FGF7: variants seen among roughly 807,000 people sequenced by gnomAD.
FGF7 encodes the protein fibroblast growth factor 7.
A neutral mutation model predicts 20.5 loss-of-function variants in FGF7; 6 were observed. The observed-to-expected ratio is 0.29, with a 90% CI of 0.16 to 0.58. FGF7 has a LOEUF of 0.58. FGF7 is among the 20% of genes least tolerant of loss of function. FGF7 has a pLI of 0.90. For synonymous variants in FGF7, 64 were observed against 74.7 expected (o/e 0.86, Z 0.74); for missense variants, 144 against 228.8 (o/e 0.63, Z 2.39).
intron 2 of FGF7, among the ~76,000 whole-genome samples, chr15:49,453,518 A>C (rs996799346): frequency 1.3e-5 from 2 of 152,166 alleles, no homozygotes; most frequent in African/African-American, 4.8e-5. Flanking sequence ...TTCACATTGC[A>C]AGGGTTCAGT....
At chr15:49,479,945 T>C (rs1303785675) in intron 2 of FGF7, among the ~76,000 whole-genome samples, 1 of 152,176 alleles carries the variant, frequency 6.6e-6, no homozygotes, top group Non-Finnish European at 1.5e-5. Flanking sequence ...TATTTGTGCA[T>C]ATTGAAAGGA....
At chr15:49,467,433 T>C (rs1161372224) in intron 2 of FGF7, among the ~76,000 whole-genome samples, 1 of 152,050 alleles carries the variant, frequency 6.6e-6, no homozygotes, top group Non-Finnish European at 1.5e-5. Context: ...CCCTGGTACA[T>C]TTGTATTTTG....
At chr15:49,469,545 A>G (rs1263871995) in intron 2 of FGF7, among the ~76,000 whole-genome samples, 2 of 152,086 alleles carry the variant, frequency 1.3e-5, no homozygotes, top group African/African-American at 2.4e-5. Flanking sequence ...TCTGTAGTCA[A>G]GGCCAAAACA....
At chr15:49,424,606 C>A in intron 2 of FGF7, 23 bp downstream of exon 2, 3 of 1,518,302 alleles carry the variant, frequency 2.0e-6, no homozygotes, top group African/African-American at 1.4e-5. Flanking sequence ...AAGTACTGCT[C>A]ATGAACCTTA....
chr15:49,467,926 A>T (rs772826480), intron 2 of FGF7, among the ~76,000 whole-genome samples: 14 of 152,178 alleles, frequency 9.2e-5, no homozygotes, highest in Non-Finnish European at 1.8e-4. Flanking sequence ...TTCCCATGAC[A>T]TTCTTCAGTA....
At position 49,448,850 on chromosome 15, in the gene FGF7, A is replaced by G. The variant is rs2052466524; in HGVS notation, c.286+24267A>G. Among the ~76,000 whole-genome samples, 2 of 151,640 alleles carry G rather than the reference A, an allele frequency of 1.3e-5. 1 individual carries two copies. The highest frequency in any genetic ancestry group is 4.2e-4 in the South Asian group (2 of 4,816). On this transcript the variant is annotated intron_variant, in intron 2 of 3. Transcript: ENST00000267843. ...GCTCTCCAAGAATGAACCCTCTACA[A>G]TTTTCTTTAGCAGTCGATTCCAATA...
chr15:49,457,998 T>A lies in FGF7; in HGVS notation c.287-25153T>A, dbSNP rs1480052513. On this transcript the variant is annotated intron_variant, in intron 2 of 3. Transcript: ENST00000267843. ...TCACTTTCTTGATTGATAATATTTT[T>A]TCCCCAAAAGCACAATATTCACTTT... 3.3e-5 allele frequency among the ~76,000 whole-genome samples: 5 copies of A among 152,106 alleles called. No individual in the cohort carries two copies. The East Asian group carries it at 9.6e-4, about 29-fold the overall frequency.
At chr15:49,472,933 T>C (rs1465566165) in intron 2 of FGF7, among the ~76,000 whole-genome samples, 3 of 152,168 alleles carry the variant, frequency 2.0e-5, no homozygotes, top group African/African-American at 7.2e-5. Context: ...AATATACTCA[T>C]GTATCAGTTA....
intron 2 of FGF7, among the ~76,000 whole-genome samples, chr15:49,441,575 T>C (rs984516514): frequency 2.0e-5 from 3 of 151,580 alleles, no homozygotes; most frequent in Non-Finnish European, 3.0e-5. Context: ...TTTCCATATA[T>C]AGAGAGAAAA....
At chr15:49,459,454 CT>C (rs930993767) in intron 2 of FGF7, among the ~76,000 whole-genome samples, 1 of 151,684 alleles carries the variant, frequency 6.6e-6, no homozygotes, top group Admixed American at 6.6e-5. Flanking sequence ...TCTTTCTTTT[CT>C]TTTTTTTGAG....
chr15:49,441,499 G>A (rs2051638374), intron 2 of FGF7, among the ~76,000 whole-genome samples: 1 of 151,716 alleles, frequency 6.6e-6, no homozygotes. Context: ...CCAGAGGACT[G>A]AAGTAGACCA....
chr15:49,472,990 G>A (rs1439918399), intron 2 of FGF7, among the ~76,000 whole-genome samples: 1 of 152,152 alleles, frequency 6.6e-6, no homozygotes, highest in Non-Finnish European at 1.5e-5. Flanking sequence ...TAAAGTGGCT[G>A]AATTAAAACT....
chr15:49,461,656 A>G lies in FGF7; in HGVS notation c.287-21495A>G, dbSNP rs185833862. 3.5e-3 allele frequency among the ~76,000 whole-genome samples: 533 copies of G among 152,364 alleles called. 2 individuals are homozygous for G. Among genetic ancestry groups the G allele is most frequent in the Non-Finnish European group, 5.8e-3 (395 of 68,040 alleles). ...CTATGTATTCAGATAGTGCAGGTAC[A>G]ATATGTACATTCTCAAAGCATCAAA... On this transcript the variant is annotated intron_variant, in intron 2 of 3. Coordinates refer to ENST00000267843, the MANE Select transcript of FGF7 (RefSeq NM_002009.4).
chr15:49,488,452 T>C lies in FGF7; in HGVS notation c.*3948T>C, dbSNP rs982155638. Reference sequence around the variant, plus strand: ...TGACAGGAAGCAAGAAATAATACAGTCCTAGCCTCTTTCCAATAACATCTG... The same window carrying C: ...TGACAGGAAGCAAGAAATAATACAGCCCTAGCCTCTTTCCAATAACATCTG... On this transcript the variant is annotated 3_prime_UTR_variant, in exon 4 of 4. Coordinates refer to ENST00000267843, the MANE Select transcript of FGF7 (RefSeq NM_002009.4). 5.9e-5 allele frequency: 9 copies of C among 152,068 alleles called. No individual in the cohort carries two copies. The highest frequency in any genetic ancestry group is 1.0e-4 in the Non-Finnish European group (7 of 67,930). The allele number at this position is 152,068 out of a possible 1,614,324, so 9.4% of individuals were successfully genotyped here.
intron 2 of FGF7, among the ~76,000 whole-genome samples, chr15:49,467,773 C>A (rs1167740559): frequency 6.6e-6 from 1 of 152,084 alleles, no homozygotes; most frequent in South Asian, 2.1e-4. Context: ...AGTATTTCCT[C>A]CTGTCTGATT....
chr15:49,431,557 G>A (rs1482962022), intron 2 of FGF7, among the ~76,000 whole-genome samples: 2 of 151,706 alleles, frequency 1.3e-5, no homozygotes, highest in Admixed American at 1.3e-4. Flanking sequence ...GTATACTGGG[G>A]AGAATTGGCT....
chr15:49,424,494 T>C lies in FGF7; in HGVS notation c.197T>C (p.Val66Ala). The C allele has an allele frequency of 6.2e-7, 1 of 1,613,056 alleles. No homozygotes were observed. The highest frequency in any genetic ancestry group is 8.5e-7 in the Non-Finnish European group (1 of 1,179,434). The change falls in exon 2 of 4, where the codon GTG becomes GCG. Residue 66 changes from valine (V) to alanine (A), a missense_variant. This residue lies in a region of FGF7 where 88 missense variants were observed against 103.4 expected (regional missense o/e 0.85). Coordinates refer to ENST00000267843, the MANE Select transcript of FGF7 (RefSeq NM_002009.4). ...YDYMEGGDIR[V>A]RRLFCRTQWY... ...TACATGGAAGGAGGGGATATAAGAGTGAGAAGACTCTTCTGTCGAACACAG... is the reference window on the plus strand; with the variant it reads ...TACATGGAAGGAGGGGATATAAGAGCGAGAAGACTCTTCTGTCGAACACAG...
At chr15:49,451,312 A>G (rs1178917983) in intron 2 of FGF7, among the ~76,000 whole-genome samples, 1 of 152,088 alleles carries the variant, frequency 6.6e-6, no homozygotes. Context: ...AATTATAAAA[A>G]CTAAAAAAGT....
At chr15:49,430,530 T>G (rs928302472) in intron 2 of FGF7, among the ~76,000 whole-genome samples, 25 of 151,808 alleles carry the variant, frequency 1.6e-4, no homozygotes, top group Non-Finnish European at 1.2e-4. Context: ...TATAAGAGAA[T>G]ACTGCAGATT....
Sources: allele counts gnomAD v4.1 joint callset (sites outside exome capture counted in the v4.1 genomes callset), GRCh38; gene constraint gnomAD v4.1.1; regional missense constraint gnomAD v4.1.1; transcripts MANE v1.5; gene names NCBI Gene and HGNC (gene_info 2026-07-23, HGNC 2026-07-21).